Variants in ESRRG observed in about 807,000 individuals in gnomAD.
ESRRG encodes the protein estrogen-related receptor gamma.
A neutral mutation model predicts 44.0 loss-of-function variants in ESRRG; 13 were observed. The ratio of observed to expected loss-of-function variants is 0.30; its 90% CI spans 0.19 to 0.47. The LOEUF is 0.47. ESRRG is among the 20% of genes least tolerant of loss of function. ESRRG has a pLI of 1.00. For missense variants in ESRRG, 395 were observed against 580.6 expected (o/e 0.68, Z 3.29); for synonymous variants, 215 against 214.6 (o/e 1.00, Z -0.02).
chr1:217,017,768 T>A (rs1271661151), intron 1 of ESRRG, among the ~76,000 whole-genome samples: 1 of 152,178 alleles, frequency 6.6e-6, no homozygotes, highest in African/African-American at 2.4e-5. Flanking sequence ...AACTCTGTTA[T>A]GCTATATAAA....
At chr1:216,975,337 A>G (rs2072643398) in intron 1 of ESRRG, among the ~76,000 whole-genome samples, 1 of 152,196 alleles carries the variant, frequency 6.6e-6, no homozygotes, top group South Asian at 2.1e-4. Context: ...AAGGACAGAC[A>G]TGGAAAGGGG....
In ESRRG at chr1:216,904,204, A is replaced by ACC. The variant is rs35823149; in HGVS notation, c.-14+35376_-14+35377dup. On this transcript the variant is annotated intron_variant, in intron 2 of 7. Coordinates refer to the ESRRG transcript ENST00000359162. The stretch of plus-strand genomic sequence containing the variant: ...GGCATTTACTGCAGCTGCAATCATC[A>ACC]CCCCCCCCAACTGATAATTAGTGAG... 4.6e-3 allele frequency among the ~76,000 whole-genome samples: 696 copies of ACC among 150,332 alleles called. 4 individuals are homozygous for ACC. The highest frequency in any genetic ancestry group is 0.012 in the African/African-American group (472 of 40,776).
chr1:216,569,107 AGG>A (rs2060226885), intron 3 of ESRRG, among the ~76,000 whole-genome samples: 1 of 120,348 alleles, frequency 8.3e-6, no homozygotes, highest in Admixed American at 8.6e-5. Context: ...GAAGGAAGGA[AGG>A]AAGAAGGAAG....
intron 1 of ESRRG, among the ~76,000 whole-genome samples, chr1:216,992,148 C>A (rs565219946): frequency 1.3e-3 from 202 of 152,308 alleles, no homozygotes; most frequent in African/African-American, 4.4e-3. Context: ...TCACCTTGAT[C>A]ACACATCCTA....
At chr1:217,116,979 T>TA (rs1295896625) in intron 1 of ESRRG, among the ~76,000 whole-genome samples, 2 of 152,172 alleles carry the variant, frequency 1.3e-5, no homozygotes, top group Non-Finnish European at 2.9e-5. Context: ...AATTGGGATG[T>TA]AAAAAATGCT....
chr1:216,794,274 T>G lies in ESRRG; in HGVS notation c.-13-116783A>C, dbSNP rs571002260. 3.3e-5 allele frequency among the ~76,000 whole-genome samples: 5 copies of G among 152,336 alleles called. No homozygotes were observed. In the South Asian group the frequency reaches 1.0e-3, roughly 32 times the overall value. Reference sequence around the variant, plus strand: ...GGTCTTGGGTTTAGGGAGCAGTATTTACACTCATTATGAGTTGGGGAAAAA... The same window carrying G: ...GGTCTTGGGTTTAGGGAGCAGTATTGACACTCATTATGAGTTGGGGAAAAA... On this transcript the variant is annotated intron_variant, in intron 2 of 7. Coordinates refer to the ESRRG transcript ENST00000359162.
chr1:216,664,677 A>T (rs1293642113), intron 2 of ESRRG, among the ~76,000 whole-genome samples: 4 of 129,496 alleles, frequency 3.1e-5, no homozygotes, highest in Non-Finnish European at 5.0e-5. Flanking sequence ...ACCCATTAGG[A>T]TGGTTGCTAC....
chr1:216,589,199 C>G (rs1010878156), intron 3 of ESRRG, among the ~76,000 whole-genome samples: 43 of 152,072 alleles, frequency 2.8e-4, no homozygotes, highest in Admixed American at 1.3e-3. Flanking sequence ...ACTTGAGCCA[C>G]CAACATAGAT....
intron 2 of ESRRG, among the ~76,000 whole-genome samples, chr1:216,675,520 T>C (rs1226481908): frequency 6.6e-6 from 1 of 152,188 alleles, no homozygotes; most frequent in Non-Finnish European, 1.5e-5. Flanking sequence ...TTATGAAGGC[T>C]CCACATAAAT....
intron 1 of ESRRG, among the ~76,000 whole-genome samples, chr1:217,101,870 G>C (rs889565452): frequency 6.6e-6 from 1 of 151,996 alleles, no homozygotes; most frequent in African/African-American, 2.4e-5. Flanking sequence ...GCAATGATGC[G>C]ATCTTGGCTC....
intron 2 of ESRRG, among the ~76,000 whole-genome samples, chr1:216,917,692 T>A (rs1038459292): frequency 2.6e-5 from 4 of 152,204 alleles, no homozygotes; most frequent in African/African-American, 9.6e-5. Flanking sequence ...CAGTACCTAG[T>A]ACAGAACCTG....
chr1:216,916,689 T>C (rs1298328828), intron 2 of ESRRG, among the ~76,000 whole-genome samples: 4 of 152,118 alleles, frequency 2.6e-5, no homozygotes, highest in Non-Finnish European at 4.4e-5. Flanking sequence ...TCATGTCAGA[T>C]GTAGACCATT....
chr1:217,125,946 A>G (rs1300737977), intron 1 of ESRRG, among the ~76,000 whole-genome samples: 4 of 152,174 alleles, frequency 2.6e-5, no homozygotes, highest in South Asian at 4.1e-4. Flanking sequence ...AGGCCCAGGG[A>G]TTCAGTATTT....
intron 2 of ESRRG, among the ~76,000 whole-genome samples, chr1:216,850,353 C>A (rs1202807608): frequency 6.6e-6 from 1 of 151,888 alleles, no homozygotes; most frequent in Non-Finnish European, 1.5e-5. Flanking sequence ...CAGAAGAAAA[C>A]ATCAATTCAT....
chr1:216,931,835 C>CAAAAAAAAAAA (rs56050369), intron 2 of ESRRG, among the ~76,000 whole-genome samples: 1 of 130,978 alleles, frequency 7.6e-6, no homozygotes, highest in Non-Finnish European at 1.6e-5. Flanking sequence ...TGAGAAACCA[C>CAAAAAAAAAAA]AAAAAAAAAA....
At position 216,677,509 on chromosome 1, in the gene ESRRG, C is replaced by G; in HGVS notation, c.57-18G>C. The G allele has an allele frequency of 6.4e-7, 1 of 1,565,356 alleles. No homozygotes were observed. The highest frequency in any genetic ancestry group is 8.7e-7 in the Non-Finnish European group (1 of 1,152,744). On this transcript the variant is annotated intron_variant, in intron 1 of 6. Transcript: ENST00000408911. ...AGAGAAGCCTGAGATTGAGGAGATA[C>G]AAAGAGAGACAGAAAGAGGAGAGAG... is the stretch of plus-strand genomic sequence containing the variant.
chr1:217,034,762 A>T (rs2082584935), intron 1 of ESRRG, among the ~76,000 whole-genome samples: 1 of 152,226 alleles, frequency 6.6e-6, no homozygotes, highest in South Asian at 2.1e-4. Flanking sequence ...CCAGGAGGAC[A>T]GGGACCAGGC....
At chr1:216,673,779 G>A (rs1559146840) in intron 2 of ESRRG, among the ~76,000 whole-genome samples, 1 of 152,114 alleles carries the variant, frequency 6.6e-6, no homozygotes, top group Non-Finnish European at 1.5e-5. Context: ...CCGAAGACTC[G>A]AGGGTTTAAT....
At chr1:216,719,305 C>T (rs960329150) in intron 1 of ESRRG, among the ~76,000 whole-genome samples, 22 of 151,802 alleles carry the variant, frequency 1.4e-4, no homozygotes, top group African/African-American at 2.7e-4. Context: ...AAGTATGGCC[C>T]GGCTAATGAG....
Sources: allele counts gnomAD v4.1 joint callset (sites outside exome capture counted in the v4.1 genomes callset), GRCh38; gene constraint gnomAD v4.1.1; transcripts MANE v1.5; gene names NCBI Gene and HGNC (gene_info 2026-07-23, HGNC 2026-07-21).